Variants in STOX2 observed in about 807,000 individuals in gnomAD.
The protein encoded by STOX2 is storkhead-box protein 2.
A neutral mutation model predicts 60.9 loss-of-function variants in STOX2; 28 were observed. The observed-to-expected ratio is 0.46, with a 90% confidence interval of 0.34 to 0.63. The LOEUF is 0.63. Ranked by LOEUF, STOX2 falls within the 30% of genes least tolerant of loss-of-function variation. STOX2 has a pLI of 0.01. For synonymous variants in STOX2, 472 were observed against 463.9 expected (o/e 1.02, Z -0.22); for missense variants, 1,024 against 1,187.7 (o/e 0.86, Z 2.03).
intron 1 of STOX2, among the ~76,000 whole-genome samples, chr4:183,889,117 C>A (rs906995272): frequency 6.6e-6 from 1 of 151,884 alleles, no homozygotes; most frequent in African/African-American, 2.4e-5. Context: ...CGACACTGAT[C>A]GGGGTTGAAC....
At chr4:183,941,099 T>G (rs1208827761) in intron 1 of STOX2, among the ~76,000 whole-genome samples, 2 of 152,184 alleles carry the variant, frequency 1.3e-5, no homozygotes, top group Admixed American at 1.3e-4. Context: ...AAAAACACAT[T>G]AGGTCATATT....
chr4:183,818,891 C>T lies in STOX2; in HGVS notation c.364+20836C>T, dbSNP rs976477099. Among the ~76,000 whole-genome samples, 6 of 151,668 alleles carry T rather than the reference C, an allele frequency of 4.0e-5. No homozygotes were observed. In the East Asian group the frequency reaches 5.9e-4, roughly 15 times the overall value. ...GACGGGGTGGTGGGGCAGAGGCGCG[C>T]GTCACTTCCTAGATGGGATGGCGGC... On this transcript the variant is annotated intron_variant, in intron 1 of 2. Transcript: ENST00000513034.
At chr4:183,975,684 A>G (rs1732421485) in intron 1 of STOX2, among the ~76,000 whole-genome samples, 1 of 152,216 alleles carries the variant, frequency 6.6e-6, no homozygotes, top group East Asian at 1.9e-4. Context: ...CTCAAAAATC[A>G]AAACCTAAAA....
At chr4:183,876,685 C>A (rs1467292019) in intron 1 of STOX2, among the ~76,000 whole-genome samples, 2 of 152,216 alleles carry the variant, frequency 1.3e-5, no homozygotes, top group African/African-American at 4.8e-5. Context: ...CCCAGCACCT[C>A]CCCTCCTCTC....
chr4:183,950,192 TCATTCATTCATTGATTCATA>T (rs538201181), intron 1 of STOX2, among the ~76,000 whole-genome samples: 242 of 152,362 alleles, frequency 1.6e-3, no homozygotes, highest in African/African-American at 5.7e-3. Context: ...GACACTTTGG[TCATTCATTCATTGATTCATA>T]TATTCAGCAC....
intron 1 of STOX2, among the ~76,000 whole-genome samples, chr4:183,930,512 G>GT (rs988017303): frequency 1.4e-5 from 2 of 140,874 alleles, no homozygotes; most frequent in African/African-American, 5.6e-5. Flanking sequence ...TTTTTTTTTT[G>GT]TTTTTTGTTT....
Position 184,018,642 on chromosome 4 carries a change from A to G in STOX2, c.*1358A>G, listed in dbSNP as rs1421945865. 1 of 152,222 alleles carries G rather than the reference A, an allele frequency of 6.6e-6. No homozygotes were observed. Among genetic ancestry groups the G allele is most frequent in the Non-Finnish European group, 1.5e-5 (1 of 68,044 alleles). The allele number at this position is 152,222 out of a possible 1,614,324, so 9.4% of individuals were successfully genotyped here. On this transcript the variant is annotated 3_prime_UTR_variant, in exon 4 of 4. Coordinates refer to ENST00000308497, the MANE Select transcript of STOX2 (RefSeq NM_020225.3). Reference sequence around the variant, plus strand: ...TTTTTAGCTGGATGTGTAGTTAATTAGACCAACTTATTTCCAAATGGTTTG... The same window carrying G: ...TTTTTAGCTGGATGTGTAGTTAATTGGACCAACTTATTTCCAAATGGTTTG...
At chr4:183,885,642 G>C (rs1741061692) in intron 1 of STOX2, among the ~76,000 whole-genome samples, 1 of 152,238 alleles carries the variant, frequency 6.6e-6, no homozygotes, top group African/African-American at 2.4e-5. Context: ...CCTGATGGAT[G>C]AGTGGAGTTT....
In STOX2 at chr4:184,011,070, G is replaced by T. The variant is rs376585011; in HGVS notation, c.2232G>T (p.Pro744=). 1 of 1,607,862 alleles carries T rather than the reference G, an allele frequency of 6.2e-7. No homozygotes were observed. Among genetic ancestry groups the T allele is most frequent in the Non-Finnish European group, 8.5e-7 (1 of 1,177,060 alleles). ...TLPGRCEKLE[P]SLGTSAAQAM... ...CAGGCCGATGTGAGAAACTGGAACC[G>T]TCCCTGGGGACCTCGGCGGCACAAG... Residue 744 remains proline (P), a synonymous_variant, in exon 3 of 4, where the codon CCG becomes CCT. Transcript: ENST00000308497. The surrounding 1 kb of genome is among the most constrained non-coding windows in gnomAD (Gnocchi z 4.4).
chr4:183,978,621 C>G (rs1418773669), intron 1 of STOX2, among the ~76,000 whole-genome samples: 5 of 152,148 alleles, frequency 3.3e-5, no homozygotes, highest in African/African-American at 1.2e-4. Flanking sequence ...GTATCCTTAC[C>G]ATATGATCCA....
intron 1 of STOX2, among the ~76,000 whole-genome samples, chr4:183,998,756 G>T (rs898587413): frequency 1.3e-5 from 2 of 152,130 alleles, no homozygotes; most frequent in African/African-American, 4.8e-5. Flanking sequence ...TGCCCAGGCT[G>T]GTCTCAAACT....
intron 1 of STOX2, among the ~76,000 whole-genome samples, chr4:183,810,440 C>G (rs541573517): frequency 1.3e-5 from 2 of 152,308 alleles, no homozygotes; most frequent in South Asian, 4.1e-4. Flanking sequence ...TTAGGCTCAA[C>G]TCCAAACACA....
intron 1 of STOX2, among the ~76,000 whole-genome samples, chr4:184,000,341 G>A (rs1416162661): frequency 1.3e-5 from 2 of 152,108 alleles, no homozygotes; most frequent in Admixed American, 6.5e-5. Flanking sequence ...TCACCCCTCC[G>A]ATGCAGGGTC....
Position 184,005,474 on chromosome 4 carries a change from A to C in STOX2, c.320-3684A>C, listed in dbSNP as rs13147432. Among the ~76,000 whole-genome samples, 49 of 120,094 alleles carry C rather than the reference A, an allele frequency of 4.1e-4. 2 individuals carry two copies. The highest frequency in any genetic ancestry group is 8.2e-4 in the South Asian group (3 of 3,640). The allele number at this position is 120,094 out of a possible 152,430, so 78.8% of individuals were successfully genotyped here. A position where few individuals can be genotyped will look rare whatever the true frequency, so the allele number is the denominator to read the frequency against. On this transcript the variant is annotated intron_variant, in intron 2 of 3. Coordinates refer to ENST00000308497, the MANE Select transcript of STOX2 (RefSeq NM_020225.3). Reference sequence around the variant, plus strand: ...CGATATCTCAAAAAAAAAAAAAAAAAAATTCATAGGTATAAGTAGACCACA... The same window carrying C: ...CGATATCTCAAAAAAAAAAAAAAAACAATTCATAGGTATAAGTAGACCACA...
intron 1 of STOX2, among the ~76,000 whole-genome samples, chr4:183,968,234 G>A (rs761412243): frequency 1.3e-5 from 2 of 148,938 alleles, no homozygotes; most frequent in African/African-American, 2.5e-5. Context: ...ACCATAGGTC[G>A]CCAGCTTTTA....
chr4:183,912,259 C>A (rs1741801967), intron 1 of STOX2, among the ~76,000 whole-genome samples: 2 of 152,162 alleles, frequency 1.3e-5, no homozygotes, highest in South Asian at 4.1e-4. Flanking sequence ...ATTTTAAAAT[C>A]TCTCCTAAAG....
intron 1 of STOX2, among the ~76,000 whole-genome samples, chr4:183,981,073 C>T (rs1040905559): frequency 6.6e-5 from 10 of 152,044 alleles, no homozygotes; most frequent in African/African-American, 2.2e-4. Flanking sequence ...ATTTTTAGGG[C>T]GTATTTTTAG....
At chr4:183,961,567 T>C (rs1356560860) in intron 1 of STOX2, among the ~76,000 whole-genome samples, 16 of 152,244 alleles carry the variant, frequency 1.1e-4, no homozygotes, top group Non-Finnish European at 1.5e-4. Flanking sequence ...TATATTCATT[T>C]TTTAATGTTT....
chr4:183,994,916 A>G (rs1274394769), intron 1 of STOX2, among the ~76,000 whole-genome samples: 1 of 152,074 alleles, frequency 6.6e-6, no homozygotes, highest in African/African-American at 2.4e-5. Flanking sequence ...GATAATTCAT[A>G]TGGAATGTTG....
Sources: allele counts gnomAD v4.1 joint callset (sites outside exome capture counted in the v4.1 genomes callset), GRCh38; gene constraint gnomAD v4.1.1; non-coding constraint Gnocchi (gnomAD v3.1); transcripts MANE v1.5; gene names NCBI Gene and HGNC (gene_info 2026-07-23, HGNC 2026-07-21).